The following JUP variants were observed in gnomAD, a reference collection of about 807,000 sequenced individuals.
JUP encodes catenin (cadherin-associated protein), gamma 80kDa.
Under a neutral mutation model 71.1 loss-of-function variants are expected in JUP, and 28 were observed. The ratio of observed to expected loss-of-function variants is 0.39; its 90% CI spans 0.29 to 0.54. The LOEUF (loss-of-function observed/expected upper bound fraction) is 0.54. Among genes scored for constraint, JUP ranks in the 20% least tolerant of loss-of-function variants. The probability of loss-of-function intolerance (pLI) is 0.62; values close to 1 mark genes in which losing one functional copy is unlikely to be tolerated. For synonymous variants in JUP, 401 were observed against 438.9 expected (o/e 0.91, Z 1.08); for missense variants, 869 against 1,030.1 (o/e 0.84, Z 2.14).
chr17:41,761,994 G>A (rs1283378885), intron 8 of JUP, among the ~76,000 whole-genome samples: 4 of 151,500 alleles, frequency 2.6e-5, no homozygotes, highest in Non-Finnish European at 5.9e-5. Flanking sequence ...ACTTGAACCC[G>A]GGAAGCAGAG....
chr17:41,764,221 C>G (rs1555602888), intron 7 of JUP, among the ~76,000 whole-genome samples: 1 of 152,172 alleles, frequency 6.6e-6, no homozygotes, highest in East Asian at 1.9e-4. Flanking sequence ...CACTATTGCT[C>G]CAGCCCAGGG....
At position 41,771,797 on chromosome 17, in the gene JUP, A is replaced by G; in HGVS notation, c.58T>C (p.Tyr20His). ...GAGTGGATACCCGAGTCGTAGGTGTATGTCTGCTGCCACTCAGTCACCTTG... is the reference window on the plus strand; with the variant it reads ...GAGTGGATACCCGAGTCGTAGGTGTGTGTCTGCTGCCACTCAGTCACCTTG... ...PIKVTEWQQTYTYDSGIHSGA... is the reference protein window; with the variant it reads ...PIKVTEWQQTHTYDSGIHSGA... The change falls in exon 2 of 14, where the codon TAC becomes CAC. Residue 20 changes from tyrosine (Y) to histidine (H), a missense_variant. Tyr to His is a moderately conservative substitution (Grantham distance 83, BLOSUM62 2). Coordinates refer to ENST00000393931, the MANE Select transcript of JUP (RefSeq NM_002230.4). The G allele has an allele frequency of 1.2e-6, 2 of 1,613,710 alleles. No individual in the cohort carries two copies. The highest frequency in any genetic ancestry group is 1.7e-6 in the Non-Finnish European group (2 of 1,179,942).
chr17:41,767,260 G>T (rs1225102135), intron 5 of JUP, 119 bp downstream of exon 5: 13 of 780,736 alleles, frequency 1.7e-5, no homozygotes, highest in Non-Finnish European at 2.8e-5. Flanking sequence ...GATGAAGCAT[G>T]TATATCTGCA....
chr17:41,758,024 T>C, intron 10 of JUP: 1 of 567,274 alleles, frequency 1.8e-6, no homozygotes, highest in Non-Finnish European at 3.1e-6. Context: ...ATGAGCTCAC[T>C]GATGTGAAAG....
rs782690335 is a variant in JUP at position 41,762,967 on chromosome 17, C to T, written c.1497+16G>A. ...CCTGCTGCAGGGAGCTCCTTCCCCT[C>T]GCCTAACAGCAGTACCTTGACCAGT... On this transcript the variant is annotated intron_variant, in intron 8 of 13. Transcript: ENST00000393931. 5.0e-6 allele frequency: 8 copies of T among 1,611,676 alleles called. No homozygotes were observed. The highest frequency in any genetic ancestry group is 1.1e-5 in the South Asian group (1 of 91,022).
In JUP at chr17:41,764,812, C is replaced by T. The variant is rs782648533; in HGVS notation, c.1059G>A (p.Gly353=). The change falls in exon 7 of 14, where the codon GGG becomes GGA. Residue 353 remains glycine (G), a synonymous_variant. Coordinates refer to ENST00000393931, the MANE Select transcript of JUP (RefSeq NM_002230.4). ...SNKPAIVEAG[G]MQALGKHLTS... is the part of the protein sequence containing the mutation. ...TCAGGTGCTTGCCCAGGGCCTGCAT[C>T]CCACCTGGGGCAGGGATAGGGGTGC... 3 of 1,613,618 alleles carry T rather than the reference C, an allele frequency of 1.9e-6. No individual in the cohort carries two copies. Among genetic ancestry groups the T allele is most frequent in the Non-Finnish European group, 2.5e-6 (3 of 1,179,924 alleles).
intron 1 of JUP, among the ~76,000 whole-genome samples, chr17:41,773,709 G>A (rs781812134): frequency 2.6e-5 from 4 of 152,048 alleles, no homozygotes; most frequent in African/African-American, 7.2e-5. Flanking sequence ...CGGGGTGCTC[G>A]GAGAAGGCAG....
intron 3 of JUP, 56 bp from the exon 4 acceptor site, chr17:41,769,263 C>A: frequency 6.3e-7 from 1 of 1,576,522 alleles, no homozygotes; most frequent in Non-Finnish European, 8.6e-7. Context: ...CCGGGATACC[C>A]TTCCACAGAG....
At chr17:41,779,877 A>G (rs1555609891) in intron 1 of JUP, among the ~76,000 whole-genome samples, 2 of 149,906 alleles carry the variant, frequency 1.3e-5, no homozygotes, top group South Asian at 4.2e-4. Context: ...TATGTTGCAC[A>G]GGCTGGCAGG....
intron 5 of JUP, among the ~76,000 whole-genome samples, chr17:41,766,858 C>CA (rs568338411): frequency 1.6e-3 from 166 of 105,596 alleles, no homozygotes; most frequent in East Asian, 5.4e-3. Context: ...CCATCTCAAA[C>CA]AAAAAAAAAA....
intron 1 of JUP, among the ~76,000 whole-genome samples, chr17:41,774,195 A>G (rs941950262): frequency 7.1e-6 from 1 of 141,542 alleles, no homozygotes; most frequent in African/African-American, 2.5e-5. Context: ...AGGGCTAGAC[A>G]GCTACCCAGG....
chr17:41,758,303 T>C, intron 10 of JUP, 96 bp downstream of exon 10: 2 of 1,549,128 alleles, frequency 1.3e-6, no homozygotes, highest in Non-Finnish European at 1.8e-6. Flanking sequence ...AAAGACCTCT[T>C]GATACCTGGT....
intron 8 of JUP, among the ~76,000 whole-genome samples, chr17:41,760,257 T>G (rs575584114): frequency 5.1e-4 from 78 of 152,006 alleles, no homozygotes; most frequent in Admixed American, 1.0e-3. Flanking sequence ...TTGTTTGTTT[T>G]TTTGTTTGTT....
chr17:41,775,895 G>A (rs1265252104), intron 1 of JUP: 11 of 847,090 alleles, frequency 1.3e-5, no homozygotes, highest in Middle Eastern at 5.9e-4. Flanking sequence ...CAACCCAGAG[G>A]GCTGGCACCG....
chr17:41,767,584 G>C lies in JUP; in HGVS notation c.708-4C>G, dbSNP rs201313464. ...CAGGACCGACTCCACAGGGGAGCTG[G>C]GGGGGTGGGCAGGGGTTAGTACGCT... On this transcript the variant is annotated splice_region_variant and splice_polypyrimidine_tract_variant and intron_variant, in intron 4 of 13. Coordinates refer to ENST00000393931, the MANE Select transcript of JUP (RefSeq NM_002230.4). 212 of 1,604,356 alleles carry C rather than the reference G, an allele frequency of 1.3e-4. No homozygotes were observed. Among genetic ancestry groups the C allele is most frequent in the Admixed American group, 4.7e-4 (28 of 59,990 alleles).
intron 1 of JUP, among the ~76,000 whole-genome samples, chr17:41,776,758 G>A (rs2046906096): frequency 1.3e-5 from 2 of 152,160 alleles, no homozygotes; most frequent in African/African-American, 2.4e-5. Flanking sequence ...TGTAATCCCA[G>A]CATATTGGGA....
intron 7 of JUP, among the ~76,000 whole-genome samples, chr17:41,763,649 A>AC (rs1295470172): frequency 3.3e-5 from 5 of 151,540 alleles, no homozygotes; most frequent in African/African-American, 1.2e-4. Flanking sequence ...CCCAGGCAGA[A>AC]CCCTCCTCAG....
chr17:41,772,051 C>CGA, intron 1 of JUP, 189 bp from the exon 2 acceptor site: 1 of 671,912 alleles, frequency 1.5e-6, no homozygotes, highest in Non-Finnish European at 2.7e-6. Flanking sequence ...CTGCCCACGA[C>CGA]GAGATACCCT....
chr17:41,765,359 T>G (rs1313457041), intron 5 of JUP, among the ~76,000 whole-genome samples: 5 of 143,830 alleles, frequency 3.5e-5, no homozygotes, highest in Admixed American at 6.9e-5. Flanking sequence ...AGTTTTTTTG[T>G]TTTTTTTTTT....
Sources: allele counts gnomAD v4.1 joint callset (sites outside exome capture counted in the v4.1 genomes callset), GRCh38; gene constraint gnomAD v4.1.1; transcripts MANE v1.5; gene names NCBI Gene and HGNC (gene_info 2026-07-23, HGNC 2026-07-21).